Variants in CFAP96 observed in about 807,000 individuals in gnomAD.
The protein encoded by CFAP96 is cilia-and flagella-associated protein 96.
the CFAP96 span, among the ~76,000 whole-genome samples, chr4:185,420,820 G>A: frequency 6.6e-6 from 1 of 152,112 alleles, no homozygotes; most frequent in African/African-American, 2.4e-5. Flanking sequence ...TAAAGGAGAA[G>A]GAATACAATC....
the CFAP96 span, chr4:185,418,736 C>G: frequency 3.7e-6 from 6 of 1,607,912 alleles, no homozygotes; most frequent in Non-Finnish European, 5.1e-6. Context: ...ACAGGTCACT[C>G]AACACATGTT....
chr4:185,436,023 A>G, the CFAP96 span: 28 of 1,489,552 alleles, frequency 1.9e-5, no homozygotes, highest in Admixed American at 2.6e-4. Flanking sequence ...CTTCTTTTAA[A>G]ACATCAAAAA....
chr4:185,423,064 G>A, the CFAP96 span, among the ~76,000 whole-genome samples: 3 of 152,136 alleles, frequency 2.0e-5, no homozygotes, highest in African/African-American at 7.2e-5. Flanking sequence ...TCAGAATATT[G>A]GCCAGGCTGG....
the CFAP96 span, among the ~76,000 whole-genome samples, chr4:185,419,255 C>CCA: frequency 6.6e-6 from 1 of 152,134 alleles, no homozygotes; most frequent in Non-Finnish European, 1.5e-5. Context: ...CCTCAGCCTC[C>CCA]CGAGTAGCTG....
At chr4:185,421,594 T>A in the CFAP96 span, among the ~76,000 whole-genome samples, 1 of 152,206 alleles carries the variant, frequency 6.6e-6, no homozygotes, top group African/African-American at 2.4e-5. Flanking sequence ...ATTGAAAGTT[T>A]CCTGAGCCTC....
chr4:185,416,270 G>A, the CFAP96 span, among the ~76,000 whole-genome samples: 1 of 152,134 alleles, frequency 6.6e-6, no homozygotes. Context: ...AGGTTCACTG[G>A]GGTTCGTTAC....
At chr4:185,448,213 G>T in the CFAP96 span, among the ~76,000 whole-genome samples, 36 of 152,028 alleles carry the variant, frequency 2.4e-4, no homozygotes, top group Admixed American at 3.9e-4. Context: ...TAGAGAAGGG[G>T]TTTTGCCGTG....
chr4:185,425,712 G>A, the CFAP96 span, among the ~76,000 whole-genome samples: 3 of 152,206 alleles, frequency 2.0e-5, no homozygotes, highest in Admixed American at 6.5e-5. Context: ...CGCGGAGACA[G>A]GCGAACTGGA....
At chr4:185,449,310 CA>C in the CFAP96 span, among the ~76,000 whole-genome samples, 2 of 152,040 alleles carry the variant, frequency 1.3e-5, no homozygotes, top group African/African-American at 4.8e-5. Context: ...CGCTTGAGCC[CA>C]GGATTTTAAG....
chr4:185,445,249 T>A, the CFAP96 span: 1 of 921,986 alleles, frequency 1.1e-6, no homozygotes, highest in East Asian at 2.6e-5. Flanking sequence ...TGTGGGTGAC[T>A]TTAGACATCT....
the CFAP96 span, among the ~76,000 whole-genome samples, chr4:185,416,302 C>A: frequency 6.6e-6 from 1 of 152,166 alleles, no homozygotes; most frequent in African/African-American, 2.4e-5. Flanking sequence ...CACTTTTGTA[C>A]TGATTTAAAA....
the CFAP96 span, chr4:185,444,951 T>C: frequency 1.9e-6 from 3 of 1,541,466 alleles, no homozygotes; most frequent in African/African-American, 4.1e-5. Context: ...AGTTGTCTCG[T>C]TTTTCTTCGC....
the CFAP96 span, chr4:185,418,790 A>G: frequency 6.4e-7 from 1 of 1,559,310 alleles, no homozygotes. Context: ...AAGAATATAA[A>G]TAGAAGTTAA....
chr4:185,446,962 G>A, the CFAP96 span, among the ~76,000 whole-genome samples: 1 of 152,008 alleles, frequency 6.6e-6, no homozygotes, highest in African/African-American at 2.4e-5. Context: ...TGAAATACAT[G>A]TACTTTCTTT....
At chr4:185,409,340 T>TA in the CFAP96 span, among the ~76,000 whole-genome samples, 1 of 152,178 alleles carries the variant, frequency 6.6e-6, no homozygotes, top group Non-Finnish European at 1.5e-5. Context: ...TGTCTTTTTT[T>TA]ATTAAAGAAC....
the CFAP96 span, chr4:185,429,380 C>T: frequency 7.6e-6 from 10 of 1,319,908 alleles, no homozygotes; most frequent in South Asian, 4.7e-5. Context: ...TTGAAGTTAG[C>T]GGTATAGAGA....
At chr4:185,425,452 G>A in the CFAP96 span, among the ~76,000 whole-genome samples, 4 of 152,270 alleles carry the variant, frequency 2.6e-5, no homozygotes, top group East Asian at 7.7e-4. Flanking sequence ...CACCATTTAG[G>A]ATAGGGATTG....
the CFAP96 span, among the ~76,000 whole-genome samples, chr4:185,411,297 G>C: frequency 6.6e-6 from 1 of 151,840 alleles, no homozygotes; most frequent in Admixed American, 6.6e-5. Context: ...AAAATGCTAC[G>C]CCAAAATTGT....
the CFAP96 span, among the ~76,000 whole-genome samples, chr4:185,441,096 A>G: frequency 6.6e-6 from 1 of 151,980 alleles, no homozygotes; most frequent in African/African-American, 2.4e-5. Flanking sequence ...GATTACAGGC[A>G]TGTGCTACCA....
Sources: allele counts gnomAD v4.1 joint callset (sites outside exome capture counted in the v4.1 genomes callset), GRCh38; gene constraint gnomAD v4.1.1; transcripts MANE v1.5; gene names NCBI Gene and HGNC (gene_info 2026-07-23, HGNC 2026-07-21).